ULK4: variants seen among roughly 807,000 people sequenced by gnomAD.
The protein encoded by ULK4 is inactive serine/threonine-protein kinase ULK4.
A neutral mutation model predicts 160.6 loss-of-function variants in ULK4; 133 were observed. That is an observed-to-expected ratio of 0.83 (90% CI 0.72 to 0.96). The LOEUF is 0.96. Among genes scored for constraint, ULK4 ranks in the 40% least tolerant of loss-of-function variants. The pLI is 0.00. For missense variants in ULK4, 1,580 were observed against 1,499.5 expected, an observed-to-expected ratio of 1.05 and a Z score of -0.89; for synonymous variants, 534 against 539.8, an observed-to-expected ratio of 0.99 and a Z score of 0.15.
intron 2 of ULK4, among the ~76,000 whole-genome samples, chr3:41,949,536 G>A (rs573255346): frequency 1.4e-4 from 21 of 149,604 alleles, no homozygotes; most frequent in African/African-American, 5.1e-4. Flanking sequence ...AGGTTCATGC[G>A]ATTCTCCTGC....
Position 41,754,424 on chromosome 3 carries a change from A to G in ULK4, c.2258T>C (p.Phe753Ser), listed in dbSNP as rs1235536360. 1.2e-6 allele frequency: 2 copies of G among 1,613,752 alleles called. No individual in the cohort carries two copies. The highest frequency in any genetic ancestry group is 1.3e-5 in the African/African-American group (1 of 74,880). Residue 753 changes from phenylalanine (F) to serine (S), a missense_variant, in exon 22 of 37, where the codon TTC (phenylalanine) becomes TCC (serine). By Grantham distance (155) the Phe-to-Ser change is radical. Coordinates refer to ENST00000301831, the MANE Select transcript of ULK4 (RefSeq NM_017886.4). Reference protein sequence around the residue: ...SPSTCIRAKAFLVLLYILIYN... With the variant: ...SPSTCIRAKASLVLLYILIYN... ...AATCAAAATATATAGAAGAACCAGG[A>G]AGGCTTTTGCTCTAATGCATGTTGA...
At chr3:41,900,896 G>A (rs1698329088) in intron 12 of ULK4, 67 bp from the exon 13 acceptor site, 3 of 1,146,924 alleles carry the variant, frequency 2.6e-6, no homozygotes, top group East Asian at 2.4e-5. Flanking sequence ...CACTGAACCA[G>A]TAAGATGCTG....
At chr3:41,362,088 A>T (rs1269584586) in intron 35 of ULK4, among the ~76,000 whole-genome samples, 1 of 152,168 alleles carries the variant, frequency 6.6e-6, no homozygotes, top group Non-Finnish European at 1.5e-5. Flanking sequence ...AATTAACCAG[A>T]AGAGCCCACT....
chr3:41,507,178 CAAA>C (rs149739568), intron 32 of ULK4, among the ~76,000 whole-genome samples: 325 of 82,028 alleles, frequency 4.0e-3, no homozygotes, highest in Middle Eastern at 0.028. Context: ...TAACCAGGAG[CAAA>C]AAAAAAAAAA....
At chr3:41,278,113 C>T (rs546584719) in intron 35 of ULK4, 2 of 152,478 alleles carry the variant, frequency 1.3e-5, no homozygotes, top group East Asian at 3.9e-4. Context: ...TTCCCACAGT[C>T]TTAGCAGCCA....
chr3:41,641,871 CTTT>C (rs1216590151), intron 30 of ULK4, among the ~76,000 whole-genome samples: 6,089 of 138,406 alleles, frequency 0.044, 373 homozygotes, highest in African/African-American at 0.16. Flanking sequence ...CAATTAATAC[CTTT>C]TTTTTTTTTT....
chr3:41,301,995 A>G (rs187989123), intron 35 of ULK4, among the ~76,000 whole-genome samples: 11 of 152,364 alleles, frequency 7.2e-5, no homozygotes, highest in Admixed American at 4.6e-4. Context: ...GAACAAGAAT[A>G]TGGGGAAATT....
Position 41,788,215 on chromosome 3 carries a change from A to C in ULK4, c.2193+1446T>G, listed in dbSNP as rs79613835. 6.8e-3 allele frequency among the ~76,000 whole-genome samples: 1,042 copies of C among 152,342 alleles called. 7 individuals carry two copies. The highest frequency in any genetic ancestry group is 0.01 in the Non-Finnish European group (707 of 68,028). ...TTCCAAAGATTAAGTTTACTATGCA[A>C]ATCTGAGAGTTATTCATAATAGTTA... is the stretch of plus-strand genomic sequence containing the variant. On this transcript the variant is annotated intron_variant, in intron 21 of 36. Transcript: ENST00000301831.
chr3:41,401,462 T>TTG (rs2082177127), intron 34 of ULK4, among the ~76,000 whole-genome samples: 1 of 152,162 alleles, frequency 6.6e-6, no homozygotes, highest in South Asian at 2.1e-4. Flanking sequence ...GAACTTTGTC[T>TTG]TGTAAGAATT....
chr3:41,852,772 A>T (rs1482019833), intron 17 of ULK4, among the ~76,000 whole-genome samples: 1 of 152,170 alleles, frequency 6.6e-6, no homozygotes, highest in Non-Finnish European at 1.5e-5. Flanking sequence ...AACAAGGGAC[A>T]ACCCTCAGCT....
At chr3:41,838,683 A>C (rs1315285429) in intron 17 of ULK4, among the ~76,000 whole-genome samples, 1 of 152,240 alleles carries the variant, frequency 6.6e-6, no homozygotes, top group Non-Finnish European at 1.5e-5. Context: ...TCAATAAATC[A>C]ATAAATTCAT....
Position 41,737,554 on chromosome 3 carries a change from C to T in ULK4, c.2321+16807G>A, listed in dbSNP as rs184521273. Among the ~76,000 whole-genome samples, 387 of 152,000 alleles carry T rather than the reference C, an allele frequency of 2.5e-3. 1 individual carries two copies. Among genetic ancestry groups the T allele is most frequent in the Non-Finnish European group, 4.6e-3 (315 of 68,018 alleles). On this transcript the variant is annotated intron_variant, in intron 22 of 36. Coordinates refer to ENST00000301831, the MANE Select transcript of ULK4 (RefSeq NM_017886.4). Reference sequence around the variant, plus strand: ...GGAACCAAAAAAGAGCCCGCATTGCCAAGTCAATCCTAAGCCAAAAGAACA... The same window carrying T: ...GGAACCAAAAAAGAGCCCGCATTGCTAAGTCAATCCTAAGCCAAAAGAACA...
intron 17 of ULK4, among the ~76,000 whole-genome samples, chr3:41,876,485 C>T (rs1697306874): frequency 6.6e-6 from 1 of 152,196 alleles, no homozygotes; most frequent in South Asian, 2.1e-4. Flanking sequence ...TTAACTTATA[C>T]AACCTTACTG....
intron 30 of ULK4, among the ~76,000 whole-genome samples, chr3:41,649,133 CAA>C (rs878915176): frequency 3.0e-5 from 4 of 132,432 alleles, no homozygotes; most frequent in African/African-American, 2.8e-5. Context: ...GTATCCAAAA[CAA>C]AAAAAAAAAA....
intron 34 of ULK4, among the ~76,000 whole-genome samples, chr3:41,399,529 G>C (rs924035554): frequency 2.6e-5 from 4 of 151,594 alleles, no homozygotes; most frequent in Admixed American, 6.6e-5. Flanking sequence ...TTTATACTTG[G>C]GTATATGTAT....
intron 3 of ULK4, 119 bp from the exon 4 acceptor site, chr3:41,936,059 A>G: frequency 1.5e-6 from 2 of 1,302,400 alleles, no homozygotes; most frequent in Non-Finnish European, 2.1e-6. Flanking sequence ...AAACGCTGAC[A>G]GCCTGGTCAA....
intron 32 of ULK4, among the ~76,000 whole-genome samples, chr3:41,558,189 A>G (rs1258300256): frequency 6.6e-6 from 1 of 152,162 alleles, no homozygotes; most frequent in Non-Finnish European, 1.5e-5. Context: ...TGTCTGTAAC[A>G]GCAAAATATT....
At chr3:41,824,910 C>A (rs1423567980) in intron 18 of ULK4, among the ~76,000 whole-genome samples, 1 of 152,228 alleles carries the variant, frequency 6.6e-6, no homozygotes, top group Non-Finnish European at 1.5e-5. Context: ...CTGGGAGGCA[C>A]CCCCAGTAGG....
chr3:41,659,263 A>G (rs572706249), intron 30 of ULK4, among the ~76,000 whole-genome samples: 35 of 152,324 alleles, frequency 2.3e-4, no homozygotes, highest in South Asian at 1.4e-3. Flanking sequence ...TCACCTCTGC[A>G]TAGGAATATT....
Sources: gnomAD v4.1 joint callset for allele counts (sites outside exome capture counted in the v4.1 genomes callset) on GRCh38, gnomAD v4.1.1 for gene constraint, MANE v1.5 for transcripts, NCBI Gene and HGNC (gene_info 2026-07-23, HGNC 2026-07-21) for gene names.